The following IL1RAPL1 variants were observed in gnomAD, a reference collection of about 807,000 sequenced individuals.
The protein encoded by IL1RAPL1 is interleukin-1 receptor accessory protein-like 1.
A neutral mutation model predicts 48.4 loss-of-function variants in IL1RAPL1; 3 were observed. The observed-to-expected ratio is 0.06, with a 90% CI of 0.03 to 0.16. IL1RAPL1 has a LOEUF of 0.16. IL1RAPL1 is among the 10% of genes least tolerant of loss of function. IL1RAPL1 has a pLI of 1.00. For synonymous variants in IL1RAPL1, 185 were observed against 187.7 expected (o/e 0.99, Z 0.12); for missense variants, 349 against 530.6 (o/e 0.66, Z 3.36).
At chrX:29,801,068 A>C (rs1929887157) in intron 6 of IL1RAPL1, among the ~76,000 whole-genome samples, 1 of 93,835 alleles carries the variant, frequency 1.1e-5, no homozygotes, top group East Asian at 3.3e-4. Context: ...AAAAAAAAAA[A>C]AAAAAAAAAA....
intron 9 of IL1RAPL1, among the ~76,000 whole-genome samples, chrX:29,952,066 A>G (rs1933329400): frequency 8.9e-6 from 1 of 112,173 alleles, no homozygotes; most frequent in African/African-American, 3.2e-5. Context: ...ACATAATGTT[A>G]TATAAGCAAA....
At position 29,012,624 on chromosome X, in the gene IL1RAPL1, C is replaced by A. The variant is rs919124947; in HGVS notation, c.82+223199C>A. On this transcript the variant is annotated intron_variant, in intron 2 of 10. Coordinates refer to ENST00000378993, the MANE Select transcript of IL1RAPL1 (RefSeq NM_014271.4). ...ATGTTTTGCACAACATTTATGGGGA[C>A]AATACCCCAAAGAAATCAACAGTTT... Among the ~76,000 whole-genome samples the A allele has an allele frequency of 2.7e-5, 3 of 111,668 alleles. No homozygotes were observed. The Admixed American group carries it at 2.9e-4, about 11-fold the overall frequency.
chrX:29,375,947 T>G (rs927582219), intron 3 of IL1RAPL1, among the ~76,000 whole-genome samples: 7 of 112,181 alleles, frequency 6.2e-5, no homozygotes, highest in Non-Finnish European at 1.3e-4. Flanking sequence ...GGATCTTCTG[T>G]TTTTTTCTTT....
chrX:29,076,194 C>G (rs1006127382), intron 2 of IL1RAPL1, among the ~76,000 whole-genome samples: 4 of 111,895 alleles, frequency 3.6e-5, no homozygotes, highest in African/African-American at 1.3e-4. Flanking sequence ...CTCATTGTTT[C>G]TAACTCTTTC....
At chrX:29,750,739 T>C (rs771804249) in intron 6 of IL1RAPL1, among the ~76,000 whole-genome samples, 39 of 111,898 alleles carry the variant, frequency 3.5e-4, no homozygotes, top group African/African-American at 1.2e-3. Flanking sequence ...TATAATTACA[T>C]CACCCTAAGA....
At position 29,006,515 on chromosome X, in the gene IL1RAPL1, G is replaced by GA. The variant is rs749949798; in HGVS notation, c.82+217106dup. On this transcript the variant is annotated intron_variant, in intron 2 of 10. Transcript: ENST00000378993. ...GGCAACAAGAGCAAAACGCCGTCTG[G>GA]AAAAAAAAAAAAAAAATCCCACACC... Among the ~76,000 whole-genome samples the GA allele has an allele frequency of 7.2e-3, 653 of 91,058 alleles. 8 individuals are homozygous for GA. The highest frequency in any genetic ancestry group is 0.022 in the African/African-American group (545 of 24,993). 79.1% of individuals were successfully genotyped at this position (91,058 alleles called of 115,157 possible). A position where few individuals can be genotyped will look rare whatever the true frequency, so the allele number is the denominator to read the frequency against.
chrX:28,736,260 C>T (rs193139640), intron 1 of IL1RAPL1, among the ~76,000 whole-genome samples: 98 of 109,922 alleles, frequency 8.9e-4, no homozygotes, highest in African/African-American at 3.1e-3. Flanking sequence ...AGTGAAACCC[C>T]GTCTCTACTA....
At position 29,603,509 on chromosome X, in the gene IL1RAPL1, A is replaced by G. The variant is rs761974900; in HGVS notation, c.704-64921A>G. 7.2e-5 allele frequency among the ~76,000 whole-genome samples: 8 copies of G among 111,623 alleles called. No homozygotes were observed. In the East Asian group the frequency reaches 2.3e-3, roughly 31 times the overall value. ...CGGATTTGTTTGTTGAAATGTAGCT[A>G]GTCAATTTTCATTTTTCCACAAGTC... On this transcript the variant is annotated intron_variant, in intron 5 of 10. Transcript: ENST00000378993.
chrX:29,535,134 CAAAAAAAAAAA>C (rs35842937), intron 5 of IL1RAPL1, among the ~76,000 whole-genome samples: 5 of 22,585 alleles, frequency 2.2e-4, no homozygotes, highest in Middle Eastern at 0.11. Flanking sequence ...ACTCTGTCTC[CAAAAAAAAAAA>C]AAAAAAAAAA....
At chrX:29,304,973 C>T (rs1208881043) in intron 3 of IL1RAPL1, among the ~76,000 whole-genome samples, 1 of 112,063 alleles carries the variant, frequency 8.9e-6, no homozygotes, top group Non-Finnish European at 1.9e-5. Context: ...ATAAGAAGTA[C>T]TTATGATGTC....
rs746917513 is a variant in IL1RAPL1, at chrX:28,936,341, T to C, written c.82+146916T>C. 1.7e-4 allele frequency among the ~76,000 whole-genome samples: 19 copies of C among 110,137 alleles called. No individual in the cohort carries two copies. The Admixed American group carries it at 1.8e-3, about 10-fold the overall frequency. Reference sequence around the variant, plus strand: ...AGCAATGGAACTGTAACTGTGAATATTGAAAATTATAAAAAAAAATTAGCC... The same window carrying C: ...AGCAATGGAACTGTAACTGTGAATACTGAAAATTATAAAAAAAAATTAGCC... On this transcript the variant is annotated intron_variant, in intron 2 of 10. Transcript: ENST00000378993.
intron 8 of IL1RAPL1, among the ~76,000 whole-genome samples, chrX:29,936,239 T>C (rs1350228819): frequency 9.0e-6 from 1 of 111,262 alleles, no homozygotes; most frequent in Non-Finnish European, 1.9e-5. Flanking sequence ...AATATGCATA[T>C]GAATTTATGT....
chrX:28,897,978 G>A (rs1922975227), intron 2 of IL1RAPL1, among the ~76,000 whole-genome samples: 1 of 111,294 alleles, frequency 9.0e-6, no homozygotes, highest in Non-Finnish European at 1.9e-5. Flanking sequence ...ATTTCACAAG[G>A]TAATGTCATC....
chrX:29,462,932 A>G (rs1022165421), intron 5 of IL1RAPL1, among the ~76,000 whole-genome samples: 1 of 111,617 alleles, frequency 9.0e-6, no homozygotes, highest in African/African-American at 3.3e-5. Context: ...GACATTTAAT[A>G]TTGTTTGGCA....
intron 5 of IL1RAPL1, among the ~76,000 whole-genome samples, chrX:29,542,131 A>G (rs1000234668): frequency 9.0e-6 from 1 of 111,096 alleles, no homozygotes; most frequent in Non-Finnish European, 1.9e-5. Context: ...AGCTCAAAAC[A>G]CTAATTTATA....
chrX:29,252,171 C>T (rs1287677192), intron 2 of IL1RAPL1, among the ~76,000 whole-genome samples: 6 of 112,068 alleles, frequency 5.4e-5, no homozygotes, highest in South Asian at 3.4e-4. Context: ...TGCTAGATGA[C>T]GAGTTAGTGG....
At chrX:29,471,796 C>T (rs1369223402) in intron 5 of IL1RAPL1, among the ~76,000 whole-genome samples, 3 of 111,446 alleles carry the variant, frequency 2.7e-5, no homozygotes, top group Non-Finnish European at 5.7e-5. Flanking sequence ...TAAATGGAAT[C>T]ATCCAATATG....
intron 2 of IL1RAPL1, among the ~76,000 whole-genome samples, chrX:29,124,076 C>T (rs1928853092): frequency 9.0e-6 from 1 of 111,344 alleles, no homozygotes; most frequent in African/African-American, 3.3e-5. Flanking sequence ...TGAGACATTT[C>T]CCTTCATCAC....
At chrX:29,736,891 G>GT (rs1928062487) in intron 6 of IL1RAPL1, among the ~76,000 whole-genome samples, 1 of 111,359 alleles carries the variant, frequency 9.0e-6, no homozygotes, top group Non-Finnish European at 1.9e-5. Context: ...AAATATGCAC[G>GT]TATCTTAAAG....
Sources: gnomAD v4.1 joint callset for allele counts (sites outside exome capture counted in the v4.1 genomes callset) on GRCh38, gnomAD v4.1.1 for gene constraint, MANE v1.5 for transcripts, NCBI Gene and HGNC (gene_info 2026-07-23, HGNC 2026-07-21) for gene names.